The following RIPOR2 variants were observed in gnomAD, a reference collection of about 807,000 sequenced individuals.
The protein encoded by RIPOR2 is rho family-interacting cell polarization regulator 2.
In RIPOR2, 39 loss-of-function variants were observed where a neutral mutation model predicts 114.5. The observed-to-expected ratio is 0.34, with a 90% CI of 0.26 to 0.44. RIPOR2 has a LOEUF of 0.44. RIPOR2 is among the 20% of genes least tolerant of loss of function. The probability of loss-of-function intolerance (pLI) is 1.00; values close to 1 mark genes in which losing one functional copy is unlikely to be tolerated. For missense variants in RIPOR2, 1,007 were observed against 1,255.1 expected, an observed-to-expected ratio of 0.80 and a Z score of 2.99; for synonymous variants, 445 against 484.4, an observed-to-expected ratio of 0.92 and a Z score of 1.07.
intron 1 of RIPOR2, among the ~76,000 whole-genome samples, chr6:24,917,707 T>C (rs970025558): frequency 6.6e-6 from 1 of 152,120 alleles, no homozygotes; most frequent in Non-Finnish European, 1.5e-5. Context: ...TGTTTTGTAT[T>C]TTTAGTAGAG....
chr6:24,978,399 T>C (rs1016443467), intron 1 of RIPOR2, among the ~76,000 whole-genome samples: 2 of 152,190 alleles, frequency 1.3e-5, no homozygotes, highest in African/African-American at 4.8e-5. Context: ...CGCATGAGTA[T>C]ATAAATATAT....
At chr6:24,854,124 G>GAAAAAAAA (rs56203816) in intron 8 of RIPOR2, among the ~76,000 whole-genome samples, 1 of 86,446 alleles carries the variant, frequency 1.2e-5, no homozygotes, top group Non-Finnish European at 2.5e-5. Flanking sequence ...GTCTGAAAAA[G>GAAAAAAAA]AAAAAAAAAA....
intron 14 of RIPOR2, among the ~76,000 whole-genome samples, chr6:24,838,068 A>T (rs1761274890): frequency 6.6e-6 from 1 of 152,084 alleles, no homozygotes; most frequent in Non-Finnish European, 1.5e-5. Context: ...ATAAATTTGG[A>T]CCCCAGGCTC....
chr6:25,006,673 G>A (rs915000657), intron 1 of RIPOR2, among the ~76,000 whole-genome samples: 3 of 152,216 alleles, frequency 2.0e-5, no homozygotes, highest in African/African-American at 7.2e-5. Context: ...GTACCACCAA[G>A]TGGCCTTGCA....
chr6:24,807,877 A>G (rs565280816), intron 21 of RIPOR2, among the ~76,000 whole-genome samples: 1 of 152,298 alleles, frequency 6.6e-6, no homozygotes, highest in South Asian at 2.1e-4. Context: ...TGAAAATACT[A>G]TCCTCACTAT....
chr6:24,880,538 T>C (rs930048652), intron 1 of RIPOR2, among the ~76,000 whole-genome samples: 1 of 152,224 alleles, frequency 6.6e-6, no homozygotes, highest in East Asian at 1.9e-4. Flanking sequence ...TTTCATATAA[T>C]GTAAAATTCT....
intron 1 of RIPOR2, among the ~76,000 whole-genome samples, chr6:24,991,054 A>G (rs1368732873): frequency 6.6e-6 from 1 of 152,208 alleles, no homozygotes. Context: ...TCAATAGTCT[A>G]ATCAATGAGC....
intron 1 of RIPOR2, among the ~76,000 whole-genome samples, chr6:24,977,296 G>C (rs1477987589): frequency 7.2e-6 from 1 of 138,136 alleles, no homozygotes. Context: ...ATCATGGTAG[G>C]GTTACCAATG....
intron 20 of RIPOR2, among the ~76,000 whole-genome samples, chr6:24,817,686 C>T (rs113084351): frequency 1.4e-5 from 2 of 143,636 alleles, no homozygotes; most frequent in African/African-American, 5.0e-5. Context: ...TGTTCCTATT[C>T]GGCCATCTTG....
In RIPOR2 at chr6:25,031,699, TTATATATATATATATATATA is replaced by T. The variant is rs58886088; in HGVS notation, c.76+10132_76+10151del. 4.0e-3 allele frequency among the ~76,000 whole-genome samples: 143 copies of T among 35,442 alleles called. 1 individual carries two copies. Among genetic ancestry groups the T allele is most frequent in the South Asian group, 0.011 (8 of 746 alleles). 23.3% of individuals were successfully genotyped at this position (35,442 alleles called of 152,430 possible). ...GTTAGGTATGTGATGTAGGTGGTAG[TTATATATATATATATATATA>T]TATATATATATATATATATATATAT... is the stretch of plus-strand genomic sequence containing the variant. On this transcript the variant is annotated intron_variant, in intron 1 of 13. Transcript: ENST00000510784.
chr6:24,989,777 A>C (rs12192232), intron 1 of RIPOR2, among the ~76,000 whole-genome samples: 56,775 of 151,626 alleles, frequency 0.37, 10,840 homozygotes, highest in South Asian at 0.43. Context: ...GGGCGCGGTG[A>C]TCCCAGCACT....
At chr6:24,884,700 C>G (rs1766656724) in intron 1 of RIPOR2, among the ~76,000 whole-genome samples, 1 of 152,086 alleles carries the variant, frequency 6.6e-6, no homozygotes. Context: ...GGAAGTAATT[C>G]CTCCCCATTT....
At chr6:24,938,410 T>G (rs1308373067), upstream of RIPOR2, among the ~76,000 whole-genome samples, 1 of 152,212 alleles carries the variant, frequency 6.6e-6, no homozygotes, top group Non-Finnish European at 1.5e-5. Context: ...ACAGCTGTGA[T>G]GCAGTAAGTT....
chr6:24,820,277 C>T (rs544728449), intron 19 of RIPOR2, among the ~76,000 whole-genome samples: 228 of 152,240 alleles, frequency 1.5e-3, no homozygotes, highest in African/African-American at 5.3e-3. Flanking sequence ...GTGATCCGTC[C>T]GCCTCGGCCT....
rs184746087 is a variant in RIPOR2 at position 25,021,654 on chromosome 6, G to A, written c.76+20197C>T. Among the ~76,000 whole-genome samples the A allele has an allele frequency of 5.9e-5, 9 of 152,214 alleles. No individual in the cohort carries two copies. The East Asian group carries it at 7.7e-4, about 13-fold the overall frequency. On this transcript the variant is annotated intron_variant, in intron 1 of 13. Coordinates refer to the RIPOR2 transcript ENST00000510784. ...GATTCAGAGGGAAAGGGTGGGAAGG[G>A]GGTGAGGGATAAAAGACTGCAAATT...
intron 1 of RIPOR2, among the ~76,000 whole-genome samples, chr6:24,980,940 T>C (rs1774262127): frequency 3.3e-5 from 5 of 152,162 alleles, no homozygotes. Flanking sequence ...CATTCATTCA[T>C]TGTCCCAGTC....
At chr6:24,846,300 C>CTTTTT (rs1562253042) in intron 12 of RIPOR2, among the ~76,000 whole-genome samples, 8 of 111,316 alleles carry the variant, frequency 7.2e-5, no homozygotes, top group South Asian at 3.4e-4. Context: ...TTTTCACCTG[C>CTTTTT]CTTTTTTTTT....
intron 1 of RIPOR2, chr6:24,976,647 C>G (rs1472369859): frequency 1.6e-5 from 26 of 1,609,544 alleles, no homozygotes; most frequent in Non-Finnish European, 1.8e-5. Context: ...CCTGCTTTCA[C>G]AGAATTATTC....
chr6:24,938,160 G>A (rs887169629), upstream of RIPOR2, among the ~76,000 whole-genome samples: 1 of 152,126 alleles, frequency 6.6e-6, no homozygotes, highest in African/African-American at 2.4e-5. Context: ...TCATATTGGA[G>A]GAGGATGGGT....
Sources: gnomAD v4.1 joint callset for allele counts (sites outside exome capture counted in the v4.1 genomes callset) on GRCh38, gnomAD v4.1.1 for gene constraint, MANE v1.5 for transcripts, NCBI Gene and HGNC (gene_info 2026-07-23, HGNC 2026-07-21) for gene names.